The following PIP5K1B variants were observed in gnomAD, a reference collection of about 807,000 sequenced individuals.
The protein encoded by PIP5K1B is phosphatidylinositol 4-phosphate 5-kinase type-1 beta.
A neutral mutation model predicts 67.0 loss-of-function variants in PIP5K1B; 42 were observed. The observed-to-expected ratio is 0.63, with a 90% CI of 0.49 to 0.81. The LOEUF is 0.81. Among genes scored for constraint, PIP5K1B ranks in the 30% least tolerant of loss-of-function variants. The pLI is 0.00. For synonymous variants in PIP5K1B, 214 were observed against 231.4 expected (o/e 0.92, Z 0.68); for missense variants, 459 against 646.3 (o/e 0.71, Z 3.14).
intron 1 of PIP5K1B, among the ~76,000 whole-genome samples, chr9:68,721,362 T>C (rs1290873604): frequency 1.3e-5 from 2 of 152,128 alleles, no homozygotes; most frequent in Non-Finnish European, 2.9e-5. Flanking sequence ...AGATTTGATA[T>C]TCAAGAGGGA....
At chr9:68,893,525 G>A (rs1444879331) in intron 7 of PIP5K1B, among the ~76,000 whole-genome samples, 1 of 151,740 alleles carries the variant, frequency 6.6e-6, no homozygotes, top group Non-Finnish European at 1.5e-5. Context: ...GTAGAGACAG[G>A]GTTTCACCAT....
chr9:68,802,599 C>G (rs1832659569), intron 2 of PIP5K1B, among the ~76,000 whole-genome samples: 1 of 152,254 alleles, frequency 6.6e-6, no homozygotes, highest in South Asian at 2.1e-4. Flanking sequence ...GAAACGCTGC[C>G]CTTTGCCTCA....
intron 13 of PIP5K1B, among the ~76,000 whole-genome samples, chr9:68,937,567 T>A (rs1019570216): frequency 6.6e-6 from 1 of 152,172 alleles, no homozygotes; most frequent in East Asian, 1.9e-4. Flanking sequence ...CCTGGATGCA[T>A]TGATTTTTTT....
intron 2 of PIP5K1B, among the ~76,000 whole-genome samples, chr9:68,807,157 G>C (rs1017277506): frequency 1.3e-5 from 2 of 152,008 alleles, no homozygotes; most frequent in Non-Finnish European, 2.9e-5. Context: ...CATTCATCTT[G>C]TATACCTCAA....
chr9:68,715,492 C>A (rs542266630), intron 1 of PIP5K1B, among the ~76,000 whole-genome samples: 1 of 152,164 alleles, frequency 6.6e-6, no homozygotes, highest in Non-Finnish European at 1.5e-5. Context: ...CGGTCGACCA[C>A]GCTTCAGGTC....
chr9:68,811,310 C>T (rs1833151243), intron 2 of PIP5K1B, among the ~76,000 whole-genome samples: 4 of 152,092 alleles, frequency 2.6e-5, no homozygotes, highest in Admixed American at 2.6e-4. Flanking sequence ...GTCCTTAGAG[C>T]CATTCCTTAC....
chr9:69,005,723 T>A (rs1238016909), intron 15 of PIP5K1B, among the ~76,000 whole-genome samples: 1 of 152,010 alleles, frequency 6.6e-6, no homozygotes, highest in African/African-American at 2.4e-5. Flanking sequence ...AAACAGAACT[T>A]CATAGTCATC....
intron 1 of PIP5K1B, among the ~76,000 whole-genome samples, chr9:68,720,382 C>T (rs1587338440): frequency 6.6e-6 from 1 of 152,324 alleles, no homozygotes; most frequent in East Asian, 1.9e-4. Context: ...TGCTACTCAG[C>T]TGATTTTTTG....
intron 2 of PIP5K1B, among the ~76,000 whole-genome samples, chr9:68,807,116 C>G (rs1832913833): frequency 6.6e-6 from 1 of 152,088 alleles, no homozygotes; most frequent in Non-Finnish European, 1.5e-5. Context: ...TTTGGCTTCT[C>G]TTTTGTGTGC....
At chr9:69,001,912 G>A (rs1830838647) in intron 15 of PIP5K1B, among the ~76,000 whole-genome samples, 1 of 152,210 alleles carries the variant, frequency 6.6e-6, no homozygotes, top group African/African-American at 2.4e-5. Context: ...GGGTCCTTAG[G>A]AAACAAATTA....
intron 8 of PIP5K1B, among the ~76,000 whole-genome samples, chr9:68,910,752 G>T (rs1825810106): frequency 6.6e-6 from 1 of 152,198 alleles, no homozygotes; most frequent in African/African-American, 2.4e-5. Context: ...TAGTAAATTT[G>T]CATGGAGTGG....
At chr9:68,843,966 G>A (rs932618416) in intron 4 of PIP5K1B, among the ~76,000 whole-genome samples, 1 of 152,184 alleles carries the variant, frequency 6.6e-6, no homozygotes, top group Non-Finnish European at 1.5e-5. Flanking sequence ...GGTTGTTAGA[G>A]GAAGCACAGA....
At chr9:68,949,357 C>T (rs1827950951) in intron 14 of PIP5K1B, among the ~76,000 whole-genome samples, 1 of 152,172 alleles carries the variant, frequency 6.6e-6, no homozygotes, top group Non-Finnish European at 1.5e-5. Context: ...TGCATTTTGG[C>T]AAGCTCCTTA....
At chr9:68,711,374 C>A (rs1386644776) in intron 1 of PIP5K1B, among the ~76,000 whole-genome samples, 1 of 152,192 alleles carries the variant, frequency 6.6e-6, no homozygotes, top group African/African-American at 2.4e-5. Context: ...AAAAGCAATG[C>A]AACGACCTCC....
rs181486454 is a variant in PIP5K1B, at chr9:68,810,119, G to A, written c.-85-8342G>A. Among the ~76,000 whole-genome samples the A allele has an allele frequency of 7.9e-5, 12 of 152,268 alleles. No homozygotes were observed. The East Asian group carries it at 1.7e-3, about 22-fold the overall frequency. ...TTATCTTCCAATTGCTTTGTCTTTCGGGAAATGCGCTAGGAAATGTTAACA... is the reference window on the plus strand; with the variant it reads ...TTATCTTCCAATTGCTTTGTCTTTCAGGAAATGCGCTAGGAAATGTTAACA... On this transcript the variant is annotated intron_variant, in intron 2 of 15. Coordinates refer to ENST00000265382, the MANE Select transcript of PIP5K1B (RefSeq NM_003558.4).
chr9:68,843,643 G>C (rs908754063), intron 4 of PIP5K1B, among the ~76,000 whole-genome samples: 2 of 152,218 alleles, frequency 1.3e-5, no homozygotes, highest in Admixed American at 6.5e-5. Flanking sequence ...AGCCCCGGTT[G>C]GTGGTGGTAA....
At chr9:68,961,127 G>A (rs938821281) in intron 14 of PIP5K1B, among the ~76,000 whole-genome samples, 11 of 151,526 alleles carry the variant, frequency 7.3e-5, no homozygotes, top group Admixed American at 2.0e-4. Context: ...GGAGAATGGC[G>A]TGAACCCGGG....
intron 14 of PIP5K1B, among the ~76,000 whole-genome samples, chr9:68,950,497 T>G (rs560852033): frequency 1.2e-3 from 176 of 152,282 alleles, no homozygotes; most frequent in African/African-American, 3.8e-3. Context: ...TGCCATGGCC[T>G]CTCTTCGAGA....
chr9:68,875,191 A>G (rs1823819134), intron 5 of PIP5K1B, among the ~76,000 whole-genome samples: 1 of 145,584 alleles, frequency 6.9e-6, no homozygotes, highest in Non-Finnish European at 1.5e-5. Context: ...CCTAGTGTGT[A>G]GCCGGGCTGC....
Sources: allele counts gnomAD v4.1 joint callset (sites outside exome capture counted in the v4.1 genomes callset), GRCh38; gene constraint gnomAD v4.1.1; transcripts MANE v1.5; gene names NCBI Gene and HGNC (gene_info 2026-07-23, HGNC 2026-07-21).